RMC1: variants seen among roughly 807,000 people sequenced by gnomAD.
RMC1 encodes regulator of MON1-CCZ1 complex.
Under a neutral mutation model 95.5 loss-of-function variants are expected in RMC1, and 44 were observed. The observed-to-expected ratio is 0.46, with a 90% CI of 0.36 to 0.59. The LOEUF (loss-of-function observed/expected upper bound fraction) is 0.59, where lower values mean the gene tolerates loss of function less well. Ranked by LOEUF, RMC1 falls within the 20% of genes least tolerant of loss-of-function variation. RMC1 has a pLI of 0.00. For synonymous variants in RMC1, 320 were observed against 303.6 expected, an observed-to-expected ratio of 1.05 and a Z score of -0.56; for missense variants, 705 against 819.6, an observed-to-expected ratio of 0.86 and a Z score of 1.71.
chr18:23,526,528 C>A (rs2058302425), intron 12 of RMC1, 109 bp from the exon 13 acceptor site: 1 of 1,383,238 alleles, frequency 7.2e-7, no homozygotes, highest in East Asian at 2.3e-5. Context: ...TACTTTGCGG[C>A]TTTTTATCAC....
chr18:23,514,298 TGAG>T (rs2057941069), intron 5 of RMC1, among the ~76,000 whole-genome samples: 1 of 152,242 alleles, frequency 6.6e-6, no homozygotes, highest in African/African-American at 2.4e-5. Context: ...GGCGATCATC[TGAG>T]GTCAGGAGTT....
At chr18:23,506,348 T>G (rs920975952) in intron 2 of RMC1, 2 of 152,176 alleles carry the variant, frequency 1.3e-5, no homozygotes, top group African/African-American at 2.4e-5. Flanking sequence ...TGGGCCCTTC[T>G]GTAATCCATC....
Position 23,526,675 on chromosome 18 carries a change from G to A in RMC1, c.1099G>A (p.Val367Ile). The change falls in exon 13 of 20, where the codon GTA becomes ATA. Residue 367 changes from valine (V) to isoleucine (I), a missense_variant. Val to Ile is a conservative substitution (Grantham distance 29, BLOSUM62 3). Transcript: ENST00000269221. ...CCTCCAAGTGAAACTTGAGCCCATAGTAAATCTCTTACCAGACAAAGGAAG... is the reference window on the plus strand; with the variant it reads ...CCTCCAAGTGAAACTTGAGCCCATAATAAATCTCTTACCAGACAAAGGAAG... ...WNLQVKLEPI[V>I]NLLPDKGRLM... The A allele has an allele frequency of 6.2e-7, 1 of 1,614,192 alleles. No homozygotes were observed. Among genetic ancestry groups the A allele is most frequent in the Non-Finnish European group, 8.5e-7 (1 of 1,180,038 alleles).
Position 23,526,741 on chromosome 18 carries a change from G to T in RMC1, c.1165G>T (p.Val389Phe). The T allele has an allele frequency of 6.2e-7, 1 of 1,614,084 alleles. No individual in the cohort carries two copies. Among genetic ancestry groups the T allele is most frequent in the African/African-American group, 1.3e-5 (1 of 75,036 alleles). Reference sequence around the variant, plus strand: ...CCTCCAGAGAAAGGAATGCAAGATGGTCATCCTGTCTGTCTGTTCACAGAG... The same window carrying T: ...CCTCCAGAGAAAGGAATGCAAGATGTTCATCCTGTCTGTCTGTTCACAGAG... ...FLLQRKECKM[V>F]ILSVCSQMLS... The change falls in exon 13 of 20, where the codon GTC (valine) becomes TTC (phenylalanine). Residue 389 changes from valine (V) to phenylalanine (F), a missense_variant. Transcript: ENST00000269221.
Position 23,519,151 on chromosome 18 carries a change from G to A in RMC1, c.826G>A (p.Val276Ile), listed in dbSNP as rs187677149. Residue 276 changes from valine to isoleucine, a missense_variant, in exon 9 of 20, where the codon GTC becomes ATC. Transcript: ENST00000269221. ...FALNVVDNLVVVHHQDTETSV... is the reference protein window; with the variant it reads ...FALNVVDNLVIVHHQDTETSV... ...CCTGAACGTGGTGGACAACCTGGTA[G>A]TCGTGCATCATCAGGATACAGAGGT... 7.4e-6 allele frequency: 12 copies of A among 1,614,140 alleles called. No homozygotes were observed. The highest frequency in any genetic ancestry group is 4.0e-5 in the African/African-American group (3 of 75,052).
At chr18:23,527,049 C>G (rs984130002) in intron 13 of RMC1, among the ~76,000 whole-genome samples, 5 of 152,032 alleles carry the variant, frequency 3.3e-5, no homozygotes, top group African/African-American at 1.2e-4. Flanking sequence ...ACACCTCTTT[C>G]AAAATCCAAG....
intron 7 of RMC1, among the ~76,000 whole-genome samples, chr18:23,518,373 T>G (rs2058063746): frequency 6.6e-6 from 1 of 152,052 alleles, no homozygotes; most frequent in African/African-American, 2.4e-5. Context: ...GTGCATGTAG[T>G]CCTAGCTACT....
chr18:23,519,035 CT>C (rs1258281782), intron 8 of RMC1, 33 bp from the exon 9 acceptor site: 11 of 1,612,412 alleles, frequency 6.8e-6, no homozygotes, highest in Non-Finnish European at 9.3e-6. Flanking sequence ...TGAACTGCAG[CT>C]TGTTGATCTG....
At position 23,516,307 on chromosome 18, in the gene RMC1, T is replaced by C. The variant is rs748049630; in HGVS notation, c.550-13T>C. 3 of 1,613,446 alleles carry C rather than the reference T, an allele frequency of 1.9e-6. No homozygotes were observed. The highest frequency in any genetic ancestry group is 2.5e-6 in the Non-Finnish European group (3 of 1,179,338). On this transcript the variant is annotated splice_polypyrimidine_tract_variant and intron_variant, in intron 6 of 19. Coordinates refer to ENST00000269221, the MANE Select transcript of RMC1 (RefSeq NM_013326.5). Reference sequence around the variant, plus strand: ...TTAATAAGCTTTTCCTAAAACATTTTCCCCCTAAACAGGCTGGCACTATGT... The same window carrying C: ...TTAATAAGCTTTTCCTAAAACATTTCCCCCCTAAACAGGCTGGCACTATGT...
chr18:23,531,210 C>G (rs1195907708), intron 19 of RMC1, among the ~76,000 whole-genome samples: 1 of 152,102 alleles, frequency 6.6e-6, no homozygotes, highest in East Asian at 1.9e-4. Flanking sequence ...AGGCTGGTCT[C>G]AAACTCCTGA....
chr18:23,525,423 A>T (rs1484889580), intron 12 of RMC1, among the ~76,000 whole-genome samples: 3 of 150,520 alleles, frequency 2.0e-5, no homozygotes, highest in Admixed American at 6.6e-5. Flanking sequence ...AATTTATTAT[A>T]ATAATAATAA....
intron 19 of RMC1, among the ~76,000 whole-genome samples, chr18:23,530,991 T>C (rs1268328637): frequency 6.6e-6 from 1 of 152,084 alleles, no homozygotes; most frequent in East Asian, 1.9e-4. Flanking sequence ...ATACATTGGT[T>C]GATCATTCTC....
intron 19 of RMC1, chr18:23,531,401 T>G: frequency 1.2e-6 from 1 of 843,172 alleles, no homozygotes. Flanking sequence ...TAGCTCAATG[T>G]AAGACGGCAT....
intron 6 of RMC1, 85 bp downstream of exon 6, chr18:23,516,081 G>T: frequency 4.4e-6 from 7 of 1,586,290 alleles, no homozygotes; most frequent in South Asian, 1.1e-5. Context: ...GGCACGTTAG[G>T]GACAGGTTCC....
chr18:23,524,941 C>CTTTTTTTTTTT (rs5823396), intron 12 of RMC1, among the ~76,000 whole-genome samples: 1 of 69,216 alleles, frequency 1.4e-5, no homozygotes, highest in Non-Finnish European at 2.5e-5. Context: ...TTAGAGAAAT[C>CTTTTTTTTTTT]TTTTTTTTTT....
At chr18:23,507,076 C>A (rs774377450) in intron 3 of RMC1, 22 bp downstream of exon 3, 1 of 1,495,844 alleles carries the variant, frequency 6.7e-7, no homozygotes, top group South Asian at 1.2e-5. Flanking sequence ...CTTTAAAATA[C>A]AGCATTAAAG....
intron 10 of RMC1, among the ~76,000 whole-genome samples, chr18:23,523,530 G>C (rs2058199526): frequency 9.7e-6 from 1 of 103,344 alleles, no homozygotes; most frequent in African/African-American, 3.9e-5. Flanking sequence ...AGGTAACATA[G>C]ACCTTGTCTT....
intron 5 of RMC1, among the ~76,000 whole-genome samples, chr18:23,512,599 CTTT>C (rs761104196): frequency 2.1e-5 from 3 of 141,894 alleles, no homozygotes; most frequent in Non-Finnish European, 3.1e-5. Context: ...TTTTTTTTTC[CTTT>C]TTTTTTTTTT....
intron 12 of RMC1, 70 bp from the exon 13 acceptor site, chr18:23,526,567 G>A (rs1049375069): frequency 1.0e-4 from 158 of 1,573,914 alleles, no homozygotes; most frequent in Non-Finnish European, 1.3e-4. Context: ...CAGATGTTTA[G>A]GGGAACCACT....
Sources: allele counts gnomAD v4.1 joint callset (sites outside exome capture counted in the v4.1 genomes callset), GRCh38; gene constraint gnomAD v4.1.1; transcripts MANE v1.5; gene names NCBI Gene and HGNC (gene_info 2026-07-23, HGNC 2026-07-21).